ORC5: variants seen among roughly 807,000 people sequenced by gnomAD.
The protein encoded by ORC5 is origin recognition complex subunit 5, also known as protein phosphatase 1, regulatory subunit 117.
Under a neutral mutation model 58.8 loss-of-function variants are expected in ORC5, and 39 were observed. The ratio of observed to expected loss-of-function variants is 0.66; its 90% CI spans 0.51 to 0.87. The LOEUF (loss-of-function observed/expected upper bound fraction) is 0.87. Ranked by LOEUF, ORC5 falls within the 40% of genes least tolerant of loss-of-function variation. The pLI, the probability that ORC5 is intolerant of heterozygous loss-of-function variation, is 0.00. For synonymous variants in ORC5, 218 were observed against 177.6 expected (o/e 1.23, Z -1.81); for missense variants, 493 against 506.3 (o/e 0.97, Z 0.25).
chr7:104,162,373 G>A (rs1388441790), intron 11 of ORC5, among the ~76,000 whole-genome samples: 2 of 152,066 alleles, frequency 1.3e-5, no homozygotes, highest in Non-Finnish European at 2.9e-5. Flanking sequence ...TGTAGGACAG[G>A]CTAGTCTCGA....
intron 5 of ORC5, among the ~76,000 whole-genome samples, chr7:104,190,369 A>T (rs1562825993): frequency 6.6e-6 from 1 of 152,138 alleles, no homozygotes; most frequent in Non-Finnish European, 1.5e-5. Flanking sequence ...TATAAAATGA[A>T]AAGAATTAAT....
chr7:104,193,771 A>G (rs541306345), intron 5 of ORC5, among the ~76,000 whole-genome samples: 3 of 151,634 alleles, frequency 2.0e-5, no homozygotes, highest in South Asian at 4.2e-4. Context: ...TTTAATAATC[A>G]GAATTTAACT....
intron 13 of ORC5, among the ~76,000 whole-genome samples, chr7:104,128,305 T>C (rs1017481450): frequency 6.6e-6 from 1 of 152,144 alleles, no homozygotes; most frequent in African/African-American, 2.4e-5. Context: ...GTAGTTTTAG[T>C]AGAGATGGAG....
intron 8 of ORC5, among the ~76,000 whole-genome samples, chr7:104,172,408 T>C (rs1365953782): frequency 6.6e-6 from 1 of 152,202 alleles, no homozygotes; most frequent in Non-Finnish European, 1.5e-5. Context: ...AAAGGAGTAA[T>C]AGTATCTTTG....
At position 104,126,790 on chromosome 7, in the gene ORC5, A is replaced by G; in HGVS notation, c.*58T>C. On this transcript the variant is annotated 3_prime_UTR_variant, in exon 14 of 14. Transcript: ENST00000297431. ...TCTCCTTGGCCAGCTAAGTAGCTGG[A>G]TGAACACAGCTTGGCTTAGTCATTG... 7.5e-7 allele frequency: 1 copy of G among 1,331,378 alleles called. No homozygotes were observed. The highest frequency in any genetic ancestry group is 1.5e-5 in the African/African-American group (1 of 68,172). The allele number at this position is 1,331,378 out of a possible 1,614,324, so 82.5% of individuals were successfully genotyped here. A position where few individuals can be genotyped will look rare whatever the true frequency, so the allele number is the denominator to read the frequency against.
chr7:104,195,038 TGGGA>T lies in ORC5; in HGVS notation c.553+101_553+104del, dbSNP rs1285459059. ...TTATAATTCCCATTTGAATATCAAA[TGGGA>T]ATAACAAAGTATTCCCATTTGAATA... On this transcript the variant is annotated intron_variant, in intron 5 of 13. Transcript: ENST00000297431. The T allele has an allele frequency of 1.2e-5, 7 of 598,514 alleles. No homozygotes were observed. In the African/African-American group the frequency reaches 1.4e-4, roughly 12 times the overall value. 37.1% of individuals were successfully genotyped at this position (598,514 alleles called of 1,614,324 possible). A position where few individuals can be genotyped will look rare whatever the true frequency, so the allele number is the denominator to read the frequency against.
chr7:104,140,634 C>T (rs1297146572), intron 12 of ORC5, among the ~76,000 whole-genome samples: 2 of 152,276 alleles, frequency 1.3e-5, no homozygotes, highest in South Asian at 2.1e-4. Context: ...CTGGGTGTCA[C>T]TGTGACAGAG....
At chr7:104,192,920 C>T (rs1040496710) in intron 5 of ORC5, among the ~76,000 whole-genome samples, 1 of 149,692 alleles carries the variant, frequency 6.7e-6, no homozygotes, top group Non-Finnish European at 1.5e-5. Context: ...AAAACAATCC[C>T]AAATAAAACA....
chr7:104,193,719 T>TA (rs10651483), intron 5 of ORC5, among the ~76,000 whole-genome samples: 45,414 of 145,626 alleles, frequency 0.31, 8,344 homozygotes, highest in African/African-American at 0.52. Flanking sequence ...TGTTTTTGCT[T>TA]AAAAAAAAAA....
At chr7:104,137,997 C>T (rs866643842) in intron 12 of ORC5, among the ~76,000 whole-genome samples, 3 of 152,312 alleles carry the variant, frequency 2.0e-5, no homozygotes, top group Non-Finnish European at 2.9e-5. Context: ...ACGCCCACTG[C>T]GGCTTCAGGA....
intron 6 of ORC5, among the ~76,000 whole-genome samples, chr7:104,185,761 A>T (rs1487118466): frequency 6.6e-6 from 1 of 152,040 alleles, no homozygotes; most frequent in Non-Finnish European, 1.5e-5. Flanking sequence ...GTTTAAGCAA[A>T]CTGGTTAAAA....
intron 8 of ORC5, among the ~76,000 whole-genome samples, chr7:104,169,134 A>G (rs370706091): frequency 6.6e-4 from 101 of 152,282 alleles, no homozygotes; most frequent in African/African-American, 2.1e-3. Context: ...CCACTCGGTA[A>G]AACTCCCAAT....
chr7:104,192,927 A>AACAC (rs1019118082), intron 5 of ORC5, among the ~76,000 whole-genome samples: 12 of 151,952 alleles, frequency 7.9e-5, no homozygotes, highest in Admixed American at 7.2e-4. Context: ...TCCCAAATAA[A>AACAC]ACACACACAC....
intron 1 of ORC5, among the ~76,000 whole-genome samples, chr7:104,205,341 G>A (rs1426828336): frequency 6.6e-6 from 1 of 152,028 alleles, no homozygotes; most frequent in Non-Finnish European, 1.5e-5. Context: ...GCCTGCCTCA[G>A]CCTCCCAAAG....
intron 12 of ORC5, among the ~76,000 whole-genome samples, chr7:104,137,872 G>A (rs998249160): frequency 9.2e-5 from 14 of 152,196 alleles, no homozygotes; most frequent in Admixed American, 6.5e-5. Flanking sequence ...TTTCGGTACA[G>A]CAAGGCAAGA....
chr7:104,160,861 TGA>T (rs1799010276), intron 12 of ORC5, among the ~76,000 whole-genome samples: 1 of 152,190 alleles, frequency 6.6e-6, no homozygotes, highest in Non-Finnish European at 1.5e-5. Context: ...TTATTTGCCA[TGA>T]GGTTATACTT....
chr7:104,178,115 T>G (rs1490855298), intron 8 of ORC5, among the ~76,000 whole-genome samples: 1 of 152,184 alleles, frequency 6.6e-6, no homozygotes, highest in Non-Finnish European at 1.5e-5. Context: ...CAAATGGTAT[T>G]TCTGGTTCTA....
chr7:104,183,820 A>C, intron 8 of ORC5, 123 bp downstream of exon 8: 1 of 656,648 alleles, frequency 1.5e-6, no homozygotes, highest in East Asian at 2.8e-5. Context: ...TTCCCATTGC[A>C]ATGCCAATCC....
chr7:104,139,977 C>T (rs1221428030), intron 12 of ORC5, among the ~76,000 whole-genome samples: 1 of 151,942 alleles, frequency 6.6e-6, no homozygotes, highest in Non-Finnish European at 1.5e-5. Context: ...AACATACATA[C>T]AGATTTAAAA....
Sources: gnomAD v4.1 joint callset for allele counts (sites outside exome capture counted in the v4.1 genomes callset) on GRCh38, gnomAD v4.1.1 for gene constraint, MANE v1.5 for transcripts, NCBI Gene and HGNC (gene_info 2026-07-23, HGNC 2026-07-21) for gene names.